PCDHA2: variants seen among roughly 807,000 people sequenced by gnomAD.
PCDHA2 encodes the protein protocadherin alpha-2.
Under a neutral mutation model 66.0 loss-of-function variants are expected in PCDHA2, and 58 were observed. That is an observed-to-expected ratio of 0.88 (90% CI 0.71 to 1.09). The LOEUF is 1.09. Ranked by LOEUF, PCDHA2 falls within the 50% of genes least tolerant of loss-of-function variation. The probability of loss-of-function intolerance (pLI) is 0.00; values close to 1 mark genes in which losing one functional copy is unlikely to be tolerated. For synonymous variants in PCDHA2, 634 were observed against 554.0 expected (o/e 1.14, Z -2.03); for missense variants, 1,267 against 1,242.3 (o/e 1.02, Z -0.30).
chr5:140,834,262 C>A, intron 1 of PCDHA2: 2 of 985,850 alleles, frequency 2.0e-6, no homozygotes, highest in Non-Finnish European at 3.0e-6. Context: ...ACGCTCCACT[C>A]TCTTTCACTC....
At chr5:140,883,074 C>T (rs1554176634) in intron 1 of PCDHA2, 2 of 1,614,042 alleles carry the variant, frequency 1.2e-6, no homozygotes, top group Admixed American at 3.3e-5. Context: ...GCCACAGATC[C>T]TGATGATGGT....
Position 140,856,821 on chromosome 5 carries a change from C to G in PCDHA2, c.2388+59469C>G, listed in dbSNP as rs1554149155. ...ATGTATGAAAATCAAGTGAACCAAA[C>G]ATTAGTAATACGGCTCAACGCTTCT... is the stretch of plus-strand genomic sequence containing the variant. On this transcript the variant is annotated intron_variant, in intron 1 of 3. Transcript: ENST00000526136. 2.5e-6 allele frequency: 4 copies of G among 1,592,396 alleles called. 1 individual carries two copies. The South Asian group carries it at 4.4e-5, about 18-fold the overall frequency.
Position 140,842,918 on chromosome 5 carries a change from T to C in PCDHA2, c.2388+45566T>C. On this transcript the variant is annotated intron_variant, in intron 1 of 3. Coordinates refer to ENST00000526136, the MANE Select transcript of PCDHA2 (RefSeq NM_018905.3). Reference sequence around the variant, plus strand: ...CCACGAGGAGCTAGAGCTGCTGCAGTTCCAGGTGAGCGCGCGCGACGCGGG... The same window carrying C: ...CCACGAGGAGCTAGAGCTGCTGCAGCTCCAGGTGAGCGCGCGCGACGCGGG... The C allele has an allele frequency of 3.8e-6, 6 of 1,594,574 alleles. 1 individual carries two copies. The highest frequency in any genetic ancestry group is 5.1e-6 in the Non-Finnish European group (6 of 1,165,450).
chr5:140,825,137 A>G (rs1027495465), intron 1 of PCDHA2: 8 of 151,772 alleles, frequency 5.3e-5, no homozygotes, highest in Non-Finnish European at 1.0e-4. Flanking sequence ...TAAAAAACAT[A>G]TGAGTATTGA....
At chr5:140,803,768 C>A in intron 1 of PCDHA2, 1 of 1,075,560 alleles carries the variant, frequency 9.3e-7, no homozygotes, top group Non-Finnish European at 1.3e-6. Context: ...ATTTTTGAAC[C>A]AAATCAGCAG....
chr5:140,803,679 A>G, intron 1 of PCDHA2: 1 of 1,584,602 alleles, frequency 6.3e-7, no homozygotes, highest in Non-Finnish European at 8.6e-7. Context: ...TTAATAGTTA[A>G]GTATGAATTA....
intron 1 of PCDHA2, chr5:140,863,121 G>C (rs1554157790): frequency 1.7e-6 from 1 of 592,122 alleles, no homozygotes; most frequent in South Asian, 1.4e-5. Flanking sequence ...CGAAAGCTAC[G>C]CGCCACCGCC....
rs147392568 is a variant in PCDHA2 at position 140,796,977 on chromosome 5, A to T, written c.2013A>T (p.Glu671Asp). The part of the protein sequence containing the change: ...ATATVLVSLV[E>D]SGQAPKASSR... ...CCACCGTGTTAGTGTCGTTGGTGGA[A>T]AGTGGCCAGGCACCCAAGGCCTCGT... The change falls in exon 1 of 4, where the codon GAA becomes GAT. Residue 671 changes from glutamate to aspartate, a missense_variant. By Grantham distance (45) the Glu-to-Asp change is conservative. Transcript: ENST00000526136. 3.1e-6 allele frequency: 5 copies of T among 1,613,746 alleles called. No homozygotes were observed. Among genetic ancestry groups the T allele is most frequent in the Non-Finnish European group, 4.2e-6 (5 of 1,179,944 alleles).
intron 3 of PCDHA2, 104 bp from the exon 4 acceptor site, chr5:141,009,523 G>A: frequency 6.7e-7 from 1 of 1,502,140 alleles, no homozygotes; most frequent in Non-Finnish European, 8.9e-7. Flanking sequence ...GATTTTTCTG[G>A]GGAGGTTCAG....
At chr5:140,850,256 C>T (rs2150475976) in intron 1 of PCDHA2, 11 of 1,594,032 alleles carry the variant, frequency 6.9e-6, no homozygotes, top group Admixed American at 6.8e-5. Context: ...CGGTGGGCGC[C>T]GGCGTAGTGG....
At chr5:140,870,141 T>C in intron 1 of PCDHA2, 1 of 1,613,952 alleles carries the variant, frequency 6.2e-7, no homozygotes, top group Non-Finnish European at 8.5e-7. Flanking sequence ...ACGATAACTC[T>C]CCTGAAGTCG....
chr5:140,970,933 G>T (rs782607345), intron 1 of PCDHA2, among the ~76,000 whole-genome samples: 6 of 152,176 alleles, frequency 3.9e-5, no homozygotes, highest in African/African-American at 9.7e-5. Context: ...CCTGGTGTTA[G>T]TCAATGCTGA....
At chr5:140,807,692 A>C in intron 1 of PCDHA2, 2 of 1,614,216 alleles carry the variant, frequency 1.2e-6, no homozygotes, top group Non-Finnish European at 1.7e-6. Flanking sequence ...CGCCCTGCTC[A>C]CTTACAGACT....
rs150360427 is a variant in PCDHA2 at position 140,892,912 on chromosome 5, T to C, written c.2389-86037T>C. Among the ~76,000 whole-genome samples, 3 of 152,298 alleles carry C rather than the reference T, an allele frequency of 2.0e-5. No homozygotes were observed. In the East Asian group the frequency reaches 5.8e-4, roughly 29 times the overall value. Reference sequence around the variant, plus strand: ...CAACCTTTCCCCATCCTCCTTTTCCTTCACCCTTCCCAGCCTCTGATAAGC... The same window carrying C: ...CAACCTTTCCCCATCCTCCTTTTCCCTCACCCTTCCCAGCCTCTGATAAGC... On this transcript the variant is annotated intron_variant, in intron 1 of 3. Coordinates refer to ENST00000526136, the MANE Select transcript of PCDHA2 (RefSeq NM_018905.3).
intron 1 of PCDHA2, chr5:140,841,941 C>T (rs2150325943): frequency 1.3e-5 from 21 of 1,613,918 alleles, no homozygotes; most frequent in Non-Finnish European, 1.8e-5. Context: ...GACGCTCCTG[C>T]GCACCACTTA....
chr5:140,822,453 G>A, intron 1 of PCDHA2: 1 of 1,613,866 alleles, frequency 6.2e-7, no homozygotes, highest in South Asian at 1.1e-5. Flanking sequence ...GTACAGTTCA[G>A]TTGTTGATCA....
At chr5:140,928,123 T>C in intron 1 of PCDHA2, 1 of 1,614,200 alleles carries the variant, frequency 6.2e-7, no homozygotes, top group Non-Finnish European at 8.5e-7. Context: ...GATCAGTGAA[T>C]ACCAAGTCCT....
intron 1 of PCDHA2, chr5:140,852,238 A>G: frequency 1.7e-6 from 1 of 575,312 alleles, no homozygotes; most frequent in South Asian, 7.7e-5. Context: ...ATTTTCCCTT[A>G]AAACACACTT....
intron 1 of PCDHA2, chr5:140,835,544 C>T (rs1773719176): frequency 2.5e-6 from 4 of 1,613,968 alleles, no homozygotes; most frequent in South Asian, 2.2e-5. Flanking sequence ...AGGTTACCTG[C>T]TCCCTGACGC....
Sources: gnomAD v4.1 joint callset for allele counts (sites outside exome capture counted in the v4.1 genomes callset) on GRCh38, gnomAD v4.1.1 for gene constraint, MANE v1.5 for transcripts, NCBI Gene and HGNC (gene_info 2026-07-23, HGNC 2026-07-21) for gene names.